EPB41L5: variants seen among roughly 807,000 people sequenced by gnomAD.
The protein encoded by EPB41L5 is band 4.1-like protein 5.
In EPB41L5, 55 loss-of-function variants were observed where a neutral mutation model predicts 106.6. That is an observed-to-expected ratio of 0.52 (90% confidence interval 0.42 to 0.65). The LOEUF is 0.65. Ranked by LOEUF, EPB41L5 falls within the 30% of genes least tolerant of loss-of-function variation. The probability of loss-of-function intolerance (pLI) is 0.00; values close to 1 mark genes in which losing one functional copy is unlikely to be tolerated. For missense variants in EPB41L5, 871 were observed against 882.1 expected (o/e 0.99, Z 0.16); for synonymous variants, 297 against 306.7 (o/e 0.97, Z 0.33).
At chr2:120,058,497 A>T (rs1427356907) in intron 3 of EPB41L5, among the ~76,000 whole-genome samples, 1 of 152,168 alleles carries the variant, frequency 6.6e-6, no homozygotes, top group Non-Finnish European at 1.5e-5. Context: ...TTTGATAGGG[A>T]TAGAGACAGA....
chr2:120,164,857 G>A lies in EPB41L5; in HGVS notation c.1909G>A (p.Ala637Thr), dbSNP rs777041607. The A allele has an allele frequency of 8.7e-6, 14 of 1,612,376 alleles. No homozygotes were observed. The highest frequency in any genetic ancestry group is 1.7e-5 in the Admixed American group (1 of 59,736). Residue 637 changes from alanine to threonine, a missense_variant, in exon 22 of 25, where the codon GCC becomes ACC. Coordinates refer to ENST00000263713, the MANE Select transcript of EPB41L5 (RefSeq NM_020909.4). ...VLKEATDELD[A>T]LLASLTENLI... Reference sequence around the variant, plus strand: ...ATAGGAAGCTACAGATGAATTGGATGCCTTGCTTGCATCTCTAACTGAGAA... The same window carrying A: ...ATAGGAAGCTACAGATGAATTGGATACCTTGCTTGCATCTCTAACTGAGAA...
At chr2:120,077,787 G>C (rs968147582) in intron 9 of EPB41L5, among the ~76,000 whole-genome samples, 3 of 152,042 alleles carry the variant, frequency 2.0e-5, no homozygotes, top group African/African-American at 7.2e-5. Flanking sequence ...TTCCAGAAAG[G>C]CGGTTGTATT....
intron 2 of EPB41L5, among the ~76,000 whole-genome samples, chr2:120,027,689 C>T (rs917471561): frequency 1.3e-5 from 2 of 152,080 alleles, no homozygotes; most frequent in Non-Finnish European, 2.9e-5. Flanking sequence ...ACTACAGGCA[C>T]ATGCCACGGT....
intron 16 of EPB41L5, among the ~76,000 whole-genome samples, chr2:120,110,735 A>G (rs1286055657): frequency 6.7e-6 from 1 of 149,494 alleles, no homozygotes; most frequent in Non-Finnish European, 1.5e-5. Flanking sequence ...CCTGGGTTTC[A>G]GCAATTCTCC....
chr2:120,063,811 G>A (rs1183224057), intron 3 of EPB41L5, among the ~76,000 whole-genome samples: 1 of 151,928 alleles, frequency 6.6e-6, no homozygotes, highest in Non-Finnish European at 1.5e-5. Context: ...GCGTGGTGGC[G>A]GGCGCCTGTA....
chr2:120,082,912 C>T (rs1388131836), intron 10 of EPB41L5, among the ~76,000 whole-genome samples: 1 of 152,128 alleles, frequency 6.6e-6, no homozygotes, highest in Non-Finnish European at 1.5e-5. Flanking sequence ...ATTGTATTCT[C>T]TGATGGTAGT....
intron 4 of EPB41L5, 59 bp downstream of exon 4, chr2:120,073,279 T>A: frequency 1.4e-5 from 18 of 1,314,832 alleles, no homozygotes; most frequent in Non-Finnish European, 1.8e-5. Context: ...TTAGAAATTC[T>A]GATTTCTAAT....
At position 120,143,062 on chromosome 2, in the gene EPB41L5, G is replaced by T. The variant is rs1558903278; in HGVS notation, c.1659G>T (p.Leu553Phe). ...ATAATGTCATTGAGAGCCCAGGATT[G>T]AATGTCATGAGAGTTCCTCCTGACT... ...CLNNVIESPG[L>F]NVMRVPPDFK... The change falls in exon 19 of 25, where the codon TTG (leucine) becomes TTT (phenylalanine). Residue 553 changes from leucine to phenylalanine, a missense_variant. Coordinates refer to ENST00000263713, the MANE Select transcript of EPB41L5 (RefSeq NM_020909.4). The T allele has an allele frequency of 1.2e-6, 2 of 1,612,546 alleles. No homozygotes were observed. Among genetic ancestry groups the T allele is most frequent in the Admixed American group, 1.7e-5 (1 of 59,832 alleles).
chr2:120,112,593 C>T (rs1205312214), intron 16 of EPB41L5, among the ~76,000 whole-genome samples: 1 of 152,132 alleles, frequency 6.6e-6, no homozygotes, highest in East Asian at 1.9e-4. Context: ...ATCAGGTTTC[C>T]AGTGAAACAG....
intron 3 of EPB41L5, among the ~76,000 whole-genome samples, chr2:120,045,343 A>G (rs949255319): frequency 6.6e-6 from 1 of 152,166 alleles, no homozygotes; most frequent in African/African-American, 2.4e-5. Context: ...TTTTACGTTC[A>G]TGTACACATA....
intron 18 of EPB41L5, among the ~76,000 whole-genome samples, chr2:120,135,126 TAGC>T (rs781068010): frequency 4.6e-5 from 7 of 152,234 alleles, no homozygotes; most frequent in South Asian, 2.1e-4. Context: ...TTTTAAAAAT[TAGC>T]AGGAATCCTA....
At chr2:120,125,371 G>A (rs1479291886) in intron 16 of EPB41L5, among the ~76,000 whole-genome samples, 1 of 152,122 alleles carries the variant, frequency 6.6e-6, no homozygotes, top group East Asian at 1.9e-4. Context: ...TTGGCCCCAG[G>A]CAACTTACTG....
At chr2:120,056,275 G>A (rs1680642903) in intron 3 of EPB41L5, among the ~76,000 whole-genome samples, 1 of 151,388 alleles carries the variant, frequency 6.6e-6, no homozygotes, top group Non-Finnish European at 1.5e-5. Context: ...GAATTTTTGG[G>A]ATAAATCCCA....
intron 3 of EPB41L5, among the ~76,000 whole-genome samples, chr2:120,060,941 C>T (rs1255698133): frequency 1.4e-5 from 2 of 144,074 alleles, no homozygotes; most frequent in African/African-American, 5.2e-5. Flanking sequence ...GTCTCGGGAG[C>T]AAAATTTAAT....
intron 18 of EPB41L5, among the ~76,000 whole-genome samples, chr2:120,137,190 T>C (rs1685960435): frequency 6.6e-6 from 1 of 151,850 alleles, no homozygotes; most frequent in Non-Finnish European, 1.5e-5. Flanking sequence ...AAACAAAACA[T>C]ACTAAAATCT....
chr2:120,104,726 CACAT>C (rs1420001845), intron 16 of EPB41L5: 10 of 935,414 alleles, frequency 1.1e-5, no homozygotes, highest in South Asian at 4.9e-5. Context: ...TCTAAAGTGA[CACAT>C]ACCTTAATTT....
intron 18 of EPB41L5, among the ~76,000 whole-genome samples, chr2:120,133,977 C>T (rs1205569472): frequency 6.6e-6 from 1 of 152,122 alleles, no homozygotes; most frequent in East Asian, 1.9e-4. Flanking sequence ...CCCCACCTCC[C>T]AATGACATTT....
chr2:120,065,294 T>A (rs970285586), intron 3 of EPB41L5, among the ~76,000 whole-genome samples: 7 of 147,740 alleles, frequency 4.7e-5, no homozygotes, highest in South Asian at 4.3e-4. Context: ...TAAAAAAAAA[T>A]TTTTTTTTTT....
intron 14 of EPB41L5, 64 bp downstream of exon 14, chr2:120,093,340 TAAAC>T: frequency 7.5e-7 from 1 of 1,333,038 alleles, no homozygotes; most frequent in Non-Finnish European, 1.1e-6. Flanking sequence ...TTGCTATCAT[TAAAC>T]AAATATTTAA....
Sources: gnomAD v4.1 joint callset for allele counts (sites outside exome capture counted in the v4.1 genomes callset) on GRCh38, gnomAD v4.1.1 for gene constraint, MANE v1.5 for transcripts, NCBI Gene and HGNC (gene_info 2026-07-23, HGNC 2026-07-21) for gene names.